The following POU2F3 variants were observed in gnomAD, a reference collection of about 807,000 sequenced individuals.
The protein encoded by POU2F3 is POU class 2 homeobox 3.
In POU2F3, 23 loss-of-function variants were observed where a neutral mutation model predicts 59.2. The observed-to-expected ratio is 0.39, with a 90% CI of 0.28 to 0.55. The LOEUF (loss-of-function observed/expected upper bound fraction) is 0.55. Among genes scored for constraint, POU2F3 ranks in the 20% least tolerant of loss-of-function variants. POU2F3 has a pLI of 0.66. For synonymous variants in POU2F3, 190 were observed against 214.6 expected (o/e 0.89, Z 1.00); for missense variants, 473 against 544.5 (o/e 0.87, Z 1.31).
At chr11:120,301,654 G>A (rs551097869) in intron 5 of POU2F3, 24 of 153,188 alleles carry the variant, frequency 1.6e-4, no homozygotes, top group African/African-American at 5.8e-4. Context: ...TCCTGGGGAG[G>A]ATGGAGAAGC....
intron 3 of POU2F3, among the ~76,000 whole-genome samples, chr11:120,274,540 T>C (rs1407262080): frequency 3.9e-5 from 6 of 152,182 alleles, no homozygotes; most frequent in Admixed American, 3.3e-4. Context: ...TGCTGAACAT[T>C]GGTGGAACCA....
chr11:120,239,418 C>T (rs767999673), upstream of POU2F3, among the ~76,000 whole-genome samples: 5 of 152,292 alleles, frequency 3.3e-5, no homozygotes, highest in African/African-American at 9.6e-5. Context: ...CGCTTCCCCG[C>T]TCTGGAAGGT....
chr11:120,298,191 T>A, intron 3 of POU2F3, 74 bp from the exon 4 acceptor site: 1 of 1,508,996 alleles, frequency 6.6e-7, no homozygotes, highest in Non-Finnish European at 9.0e-7. Flanking sequence ...CCTGCCTGGA[T>A]CTTCCTGCCA....
At chr11:120,251,793 CTTTTTTT>C (rs547326332) in intron 2 of POU2F3, among the ~76,000 whole-genome samples, 1 of 125,236 alleles carries the variant, frequency 8.0e-6, no homozygotes, top group Non-Finnish European at 1.6e-5. Context: ...TCTTGGCTGC[CTTTTTTT>C]TTTTTTTTTT....
intron 3 of POU2F3, among the ~76,000 whole-genome samples, chr11:120,296,150 C>T (rs575209827): frequency 1.3e-5 from 2 of 152,144 alleles, no homozygotes; most frequent in Non-Finnish European, 2.9e-5. Flanking sequence ...CTCAAGATTA[C>T]GTAGTAAATT....
chr11:120,276,890 G>A (rs1940352055), intron 3 of POU2F3, among the ~76,000 whole-genome samples: 1 of 152,006 alleles, frequency 6.6e-6, no homozygotes, highest in Non-Finnish European at 1.5e-5. Context: ...GCTCACACCT[G>A]AAATCCTAGC....
In POU2F3 at chr11:120,318,384, C is replaced by T. The variant is rs779948815; in HGVS notation, c.1303C>T (p.Leu435Phe). The T allele has an allele frequency of 6.2e-7, 1 of 1,604,924 alleles. No individual in the cohort carries two copies. The highest frequency in any genetic ancestry group is 2.2e-5 in the East Asian group (1 of 44,830). The change falls in exon 13 of 13, where the codon CTC becomes TTC. Residue 435 changes from leucine (L) to phenylalanine (F), a missense_variant. Transcript: ENST00000543440. ...GTACCGATGGAATCATTCCACCTAC[C>T]TCCACTGAGACCAAAAAGTTTCTCC... ...SWYRWNHSTY[L>F]H
At chr11:120,302,192 G>A (rs888054769) in intron 5 of POU2F3, 94 bp from the exon 6 acceptor site, 6 of 1,065,490 alleles carry the variant, frequency 5.6e-6, no homozygotes, top group Non-Finnish European at 8.4e-6. Flanking sequence ...GCAGGGGGTG[G>A]GGACAGTGAT....
In POU2F3 at chr11:120,307,467, G is replaced by C; in HGVS notation, c.770-12G>C. On this transcript the variant is annotated splice_polypyrimidine_tract_variant and intron_variant, in intron 8 of 12. Transcript: ENST00000543440. ...TTCTCTGAGCTTCCTCTGGTCCTTC[G>C]TGTCCCTGCAGAGTCCTCTCCGTCA... The C allele has an allele frequency of 6.2e-7, 1 of 1,613,606 alleles. No individual in the cohort carries two copies. Among genetic ancestry groups the C allele is most frequent in the Non-Finnish European group, 8.5e-7 (1 of 1,179,736 alleles).
chr11:120,263,091 A>G (rs1464754859), intron 2 of POU2F3, among the ~76,000 whole-genome samples: 1 of 152,052 alleles, frequency 6.6e-6, no homozygotes, highest in Non-Finnish European at 1.5e-5. Flanking sequence ...TCCTAGGTTC[A>G]AGCAATTCTC....
At chr11:120,304,938 T>C (rs1004210622) in intron 6 of POU2F3, 92 bp from the exon 7 acceptor site, 1 of 794,570 alleles carries the variant, frequency 1.3e-6, no homozygotes, top group Non-Finnish European at 1.8e-6. Context: ...AGTGGGCCTA[T>C]TAGTAAAAAA....
chr11:120,236,829 C>G, upstream of POU2F3: 2 of 971,996 alleles, frequency 2.1e-6, no homozygotes, highest in Non-Finnish European at 3.1e-6. Flanking sequence ...ACAGGTGGGA[C>G]TTAGAGGGCA....
chr11:120,251,862 TCA>T (rs1939116533), intron 2 of POU2F3, among the ~76,000 whole-genome samples: 1 of 147,582 alleles, frequency 6.8e-6, no homozygotes, highest in Non-Finnish European at 1.5e-5. Flanking sequence ...TGGCATGATC[TCA>T]GCTCACTGCA....
chr11:120,305,345 G>T, intron 7 of POU2F3, 133 bp downstream of exon 7: 1 of 1,087,914 alleles, frequency 9.2e-7, no homozygotes, highest in East Asian at 2.6e-5. Context: ...TGAGTTCTCT[G>T]AGAATAGGGC....
chr11:120,241,934 G>C (rs921686351), intron 1 of POU2F3, among the ~76,000 whole-genome samples: 3 of 152,108 alleles, frequency 2.0e-5, no homozygotes, highest in African/African-American at 7.2e-5. Flanking sequence ...CCCCAGGAGT[G>C]AGCTCCTGGC....
intron 2 of POU2F3, chr11:120,265,492 G>A (rs1217955380): frequency 6.6e-6 from 1 of 152,266 alleles, no homozygotes; most frequent in Non-Finnish European, 1.5e-5. Context: ...TGAATTTGAT[G>A]AGAAGGGGAA....
intron 2 of POU2F3, among the ~76,000 whole-genome samples, chr11:120,255,154 C>T (rs1939282911): frequency 6.6e-6 from 1 of 152,120 alleles, no homozygotes; most frequent in Admixed American, 6.5e-5. Flanking sequence ...CAGCCTAGCC[C>T]ACCCTTGGCT....
At chr11:120,273,993 G>T (rs1454157253) in intron 3 of POU2F3, among the ~76,000 whole-genome samples, 2 of 149,574 alleles carry the variant, frequency 1.3e-5, no homozygotes, top group African/African-American at 5.0e-5. Flanking sequence ...ACTCCAGCCT[G>T]GATGACAAAG....
At position 120,318,293 on chromosome 11, in the gene POU2F3, C is replaced by T. The variant is rs1941839735; in HGVS notation, c.1272-60C>T. 9 of 1,503,246 alleles carry T rather than the reference C, an allele frequency of 6.0e-6. No homozygotes were observed. In the Admixed American group the frequency reaches 1.3e-4, roughly 22 times the overall value. 93.1% of individuals were successfully genotyped at this position (1,503,246 alleles called of 1,614,324 possible). On this transcript the variant is annotated intron_variant, in intron 12 of 12. Coordinates refer to ENST00000543440, the MANE Select transcript of POU2F3 (RefSeq NM_014352.4). ...CCTGTACCTGCTAGCAGTCACTCCC[C>T]ATTCCCATCTTACGCCATCACATTA...
Sources: gnomAD v4.1 joint callset for allele counts (sites outside exome capture counted in the v4.1 genomes callset) on GRCh38, gnomAD v4.1.1 for gene constraint, MANE v1.5 for transcripts, NCBI Gene and HGNC (gene_info 2026-07-23, HGNC 2026-07-21) for gene names.